Variants in CACNA1C observed in about 807,000 individuals in gnomAD.
The protein encoded by CACNA1C is voltage-dependent L-type calcium channel subunit alpha-1C.
In CACNA1C, 30 loss-of-function variants were observed where a neutral mutation model predicts 229.0. That is an observed-to-expected ratio of 0.13 (90% CI 0.10 to 0.18). CACNA1C has a LOEUF of 0.18. Among genes scored for constraint, CACNA1C ranks in the 10% least tolerant of loss-of-function variants. The probability of loss-of-function intolerance (pLI) is 1.00; values close to 1 mark genes in which losing one functional copy is unlikely to be tolerated. For synonymous variants in CACNA1C, 1,114 were observed against 1,132.5 expected, an observed-to-expected ratio of 0.98 and a Z score of 0.33; for missense variants, 1,658 against 2,845.0, an observed-to-expected ratio of 0.58 and a Z score of 9.49.
chr12:2,178,966 G>A (rs899021110), intron 3 of CACNA1C, among the ~76,000 whole-genome samples: 5 of 152,140 alleles, frequency 3.3e-5, no homozygotes, highest in Admixed American at 3.3e-4. Context: ...GGAGGCTAAG[G>A]CAGGAGAATC....
chr12:2,631,958 A>G (rs2090612253), intron 29 of CACNA1C, among the ~76,000 whole-genome samples: 1 of 152,100 alleles, frequency 6.6e-6, no homozygotes, highest in Non-Finnish European at 1.5e-5. Flanking sequence ...AGCTGGGAGG[A>G]AAGGGAAGAA....
At chr12:2,640,269 A>G (rs1455570168) in intron 30 of CACNA1C, among the ~76,000 whole-genome samples, 1 of 152,214 alleles carries the variant, frequency 6.6e-6, no homozygotes, top group Admixed American at 6.5e-5. Context: ...CTTGCATTTC[A>G]CAGTGCCCGC....
In CACNA1C at chr12:2,403,101, G is replaced by A. The variant is rs995895462; in HGVS notation, c.478-45875G>A. ...TGTGTAGGCAGCAGCACACAGATAC[G>A]GGGCTAGGACGTAGGCCTGGAGTGA... is the stretch of plus-strand genomic sequence containing the variant. On this transcript the variant is annotated intron_variant, in intron 3 of 46. Coordinates refer to ENST00000399655, the MANE Select transcript of CACNA1C (RefSeq NM_000719.7). The surrounding 1 kb of genome is among the most constrained non-coding windows in gnomAD (Gnocchi z 4.1). Among the ~76,000 whole-genome samples, 2 of 152,144 alleles carry A rather than the reference G, an allele frequency of 1.3e-5. No homozygotes were observed. Among genetic ancestry groups the A allele is most frequent in the African/African-American group, 2.4e-5 (1 of 41,420 alleles).
intron 38 of CACNA1C, among the ~76,000 whole-genome samples, chr12:2,670,892 G>C (rs1027626642): frequency 6.7e-6 from 1 of 148,498 alleles, no homozygotes; most frequent in Non-Finnish European, 1.5e-5. Context: ...GACAAGTTCT[G>C]CTACTAAATT....
At chr12:2,402,796 G>A (rs1260823323) in intron 3 of CACNA1C, among the ~76,000 whole-genome samples, 1 of 152,164 alleles carries the variant, frequency 6.6e-6, no homozygotes, top group Non-Finnish European at 1.5e-5. Context: ...TCAACAGGAA[G>A]GTCTGCTGTG....
intron 1 of CACNA1C, among the ~76,000 whole-genome samples, chr12:2,013,576 A>T (rs1435947564): frequency 2.6e-5 from 4 of 152,188 alleles, no homozygotes; most frequent in Non-Finnish European, 5.9e-5. Context: ...GACCAGGAGC[A>T]TGATGCAAAA....
At chr12:2,276,532 C>T (rs977736591) in intron 3 of CACNA1C, among the ~76,000 whole-genome samples, 6 of 152,202 alleles carry the variant, frequency 3.9e-5, no homozygotes, top group Non-Finnish European at 8.8e-5. Flanking sequence ...GATTCTCCAG[C>T]GAGGTCCCTT....
At chr12:2,577,026 C>T (rs753323820) in intron 13 of CACNA1C, among the ~76,000 whole-genome samples, 1 of 152,212 alleles carries the variant, frequency 6.6e-6, no homozygotes, top group African/African-American at 2.4e-5. Flanking sequence ...GCTGAGCACC[C>T]CTCGTGATGC....
chr12:2,606,075 C>A (rs901499304), intron 24 of CACNA1C, among the ~76,000 whole-genome samples: 1 of 152,148 alleles, frequency 6.6e-6, no homozygotes, highest in Non-Finnish European at 1.5e-5. Flanking sequence ...TCCTGTGGAA[C>A]CTCTGTGTCA....
chr12:2,294,091 A>G (rs1391980747), intron 3 of CACNA1C, among the ~76,000 whole-genome samples: 1 of 152,250 alleles, frequency 6.6e-6, no homozygotes, highest in Non-Finnish European at 1.5e-5. Context: ...GGTGTTTACC[A>G]TCCACCTGGG....
At chr12:2,200,781 T>A (rs2097559880) in intron 3 of CACNA1C, among the ~76,000 whole-genome samples, 1 of 152,144 alleles carries the variant, frequency 6.6e-6, no homozygotes, top group Admixed American at 6.5e-5. Context: ...GCATATGAGC[T>A]GGGACCCCTC....
At chr12:2,106,544 A>G (rs71454864) in intron 1 of CACNA1C, among the ~76,000 whole-genome samples, 108 of 78,992 alleles carry the variant, frequency 1.4e-3, no homozygotes, top group African/African-American at 2.4e-3. Context: ...CCCACCCTGG[A>G]GAGGGTTTCC....
At chr12:2,074,674 C>T (rs1437933658) in intron 1 of CACNA1C, among the ~76,000 whole-genome samples, 2 of 152,146 alleles carry the variant, frequency 1.3e-5, no homozygotes, top group African/African-American at 2.4e-5. Context: ...AGATGTTGCC[C>T]TTTCCGCAGC....
chr12:2,180,899 A>G (rs2096820579), intron 3 of CACNA1C, among the ~76,000 whole-genome samples: 1 of 152,216 alleles, frequency 6.6e-6, no homozygotes, highest in African/African-American at 2.4e-5. Context: ...TACTGCAGCC[A>G]CGCATCCTGC....
intron 4 of CACNA1C, among the ~76,000 whole-genome samples, chr12:2,453,272 G>A (rs1330612331): frequency 6.6e-6 from 1 of 152,120 alleles, no homozygotes; most frequent in African/African-American, 2.4e-5. Context: ...TTCTGCTAAT[G>A]CATCTGGCTA....
Position 2,479,140 on chromosome 12 carries a change from C to G in CACNA1C, c.758-6964C>G, listed in dbSNP as rs1273432080. On this transcript the variant is annotated intron_variant, in intron 5 of 46. Coordinates refer to ENST00000399655, the MANE Select transcript of CACNA1C (RefSeq NM_000719.7). The surrounding 1 kb of genome is among the most constrained non-coding windows in gnomAD (Gnocchi z 4.3). Reference sequence around the variant, plus strand: ...GTGAGGTTCAAGGGCAGTTATGGGGCTCGGTGGGCACAGTAAGGACAGTGC... The same window carrying G: ...GTGAGGTTCAAGGGCAGTTATGGGGGTCGGTGGGCACAGTAAGGACAGTGC... Among the ~76,000 whole-genome samples, 3 of 152,048 alleles carry G rather than the reference C, an allele frequency of 2.0e-5. No individual in the cohort carries two copies. The highest frequency in any genetic ancestry group is 7.2e-5 in the African/African-American group (3 of 41,394).
chr12:2,151,138 A>G, intron 3 of CACNA1C, among the ~76,000 whole-genome samples: 1 of 152,334 alleles, frequency 6.6e-6, no homozygotes, highest in Admixed American at 6.5e-5. Context: ...CTATGGCCAC[A>G]ACTCAACTCA....
intron 3 of CACNA1C, among the ~76,000 whole-genome samples, chr12:2,161,072 G>A (rs1042477471): frequency 2.6e-5 from 4 of 152,174 alleles, no homozygotes; most frequent in Non-Finnish European, 4.4e-5. Context: ...CACCCTCCTC[G>A]GCCTCCCAAA....
chr12:1,993,326 G>A, intron 1 of CACNA1C: 1 of 1,614,054 alleles, frequency 6.2e-7, no homozygotes. Flanking sequence ...TTTAGTAATA[G>A]GTTCTGTCCT....
Sources: gnomAD v4.1 joint callset for allele counts (sites outside exome capture counted in the v4.1 genomes callset) on GRCh38, gnomAD v4.1.1 for gene constraint, Gnocchi (gnomAD v3.1) non-coding constraint, MANE v1.5 for transcripts, NCBI Gene and HGNC (gene_info 2026-07-23, HGNC 2026-07-21) for gene names.